Variants in CEP128 observed in about 807,000 individuals in gnomAD.
CEP128 encodes centrosomal protein 128kDa.
In CEP128, 132 loss-of-function variants were observed where a neutral mutation model predicts 156.7. The ratio of observed to expected loss-of-function variants is 0.84; its 90% confidence interval spans 0.73 to 0.97. The LOEUF is 0.97. Among genes scored for constraint, CEP128 ranks in the 50% least tolerant of loss-of-function variants. The pLI is 0.00. For synonymous variants in CEP128, 469 were observed against 448.9 expected (o/e 1.04, Z -0.57); for missense variants, 1,252 against 1,281.9 (o/e 0.98, Z 0.36).
chr14:80,932,536 G>A (rs528417397), intron 2 of CEP128, among the ~76,000 whole-genome samples: 1 of 152,232 alleles, frequency 6.6e-6, no homozygotes, highest in East Asian at 1.9e-4. Flanking sequence ...TTATCTTTGT[G>A]AAGCAGGTTT....
At chr14:80,751,628 T>C (rs1899396245) in intron 18 of CEP128, among the ~76,000 whole-genome samples, 1 of 150,398 alleles carries the variant, frequency 6.6e-6, no homozygotes, top group Non-Finnish European at 1.5e-5. Flanking sequence ...TTTGTAAATA[T>C]GTCTTTTTTT....
At chr14:80,605,854 A>G (rs1892755295) in intron 19 of CEP128, among the ~76,000 whole-genome samples, 1 of 152,060 alleles carries the variant, frequency 6.6e-6, no homozygotes, top group Non-Finnish European at 1.5e-5. Flanking sequence ...ATGAGAAGTA[A>G]AAATGTGTGT....
chr14:80,759,897 CAT>C (rs1899869509), intron 17 of CEP128, among the ~76,000 whole-genome samples: 1 of 114,388 alleles, frequency 8.7e-6, no homozygotes, highest in African/African-American at 2.9e-5. Flanking sequence ...TATGTGAGTG[CAT>C]ATATATAGGT....
Position 80,656,291 on chromosome 14 carries a change from TTATATATATATA to T in CEP128, c.2807-75880_2807-75869del, listed in dbSNP as rs1159139132. Among the ~76,000 whole-genome samples the T allele has an allele frequency of 1.1e-3, 27 of 25,704 alleles. No individual in the cohort carries two copies. The East Asian group carries it at 0.015, about 15-fold the overall frequency. The allele number at this position is 25,704 out of a possible 152,430, so 16.9% of individuals were successfully genotyped here. ...CCTAAGTTTTTATTTATATATATATTTATATATATATATATATATATATATATATATATATAT... is the reference window on the plus strand; with the variant it reads ...CCTAAGTTTTTATTTATATATATATTTATATATATATATATATATATATAT... On this transcript the variant is annotated intron_variant, in intron 19 of 24. Coordinates refer to ENST00000555265, the MANE Select transcript of CEP128 (RefSeq NM_152446.5).
chr14:80,692,223 G>A (rs1566860112), intron 19 of CEP128, among the ~76,000 whole-genome samples: 1 of 152,132 alleles, frequency 6.6e-6, no homozygotes, highest in African/African-American at 2.4e-5. Context: ...AAGAGTTGGT[G>A]GAGTGAGCAA....
chr14:80,697,933 A>G lies in CEP128; in HGVS notation c.2806+45142T>C, dbSNP rs538103228. On this transcript the variant is annotated intron_variant, in intron 19 of 24. Transcript: ENST00000555265. ...TATAGATACATATATAAACCAGCTT[A>G]TAAGAAATCTGGGCCCTAAAAATTC... 7.9e-5 allele frequency among the ~76,000 whole-genome samples: 12 copies of G among 152,058 alleles called. No homozygotes were observed. The South Asian group carries it at 2.3e-3, about 29-fold the overall frequency.
chr14:80,526,199 A>G (rs149784101), intron 23 of CEP128, among the ~76,000 whole-genome samples: 6 of 152,282 alleles, frequency 3.9e-5, no homozygotes, highest in African/African-American at 9.6e-5. Context: ...ACTGCAACGC[A>G]TAAGACTACC....
intron 19 of CEP128, among the ~76,000 whole-genome samples, chr14:80,641,797 A>C (rs1360040036): frequency 6.6e-6 from 1 of 152,198 alleles, no homozygotes; most frequent in Non-Finnish European, 1.5e-5. Context: ...CAATTCAATT[A>C]AATTAAGCAA....
At chr14:80,615,845 T>A (rs1003684700) in intron 19 of CEP128, among the ~76,000 whole-genome samples, 3 of 146,594 alleles carry the variant, frequency 2.0e-5, no homozygotes, top group Admixed American at 6.8e-5. Flanking sequence ...TAAAACTCCA[T>A]CTCAAATAAA....
At chr14:80,940,594 G>A (rs956619975) in intron 1 of CEP128, among the ~76,000 whole-genome samples, 4 of 151,036 alleles carry the variant, frequency 2.6e-5, no homozygotes, top group Non-Finnish European at 5.9e-5. Flanking sequence ...CAGGAGAATC[G>A]CTTGAACCCA....
chr14:80,524,983 C>T (rs1341993181), intron 23 of CEP128, among the ~76,000 whole-genome samples: 1 of 152,098 alleles, frequency 6.6e-6, no homozygotes, highest in African/African-American at 2.4e-5. Context: ...TTGCTGAACA[C>T]GTTAAACATT....
chr14:80,678,047 A>ATATATATATATATATATATATATAT (rs1555390193), intron 19 of CEP128, among the ~76,000 whole-genome samples: 3 of 68,528 alleles, frequency 4.4e-5, no homozygotes, highest in South Asian at 1.0e-3. Flanking sequence ...CTATAAAAAA[A>ATATATATATATATATATATATATAT]AAATATATAT....
At chr14:80,832,448 T>C (rs1566658468) in intron 12 of CEP128, among the ~76,000 whole-genome samples, 1 of 152,146 alleles carries the variant, frequency 6.6e-6, no homozygotes, top group Non-Finnish European at 1.5e-5. Context: ...TTATACATCA[T>C]TCATAAAATA....
At chr14:80,829,921 C>T (rs1361916710) in intron 13 of CEP128, among the ~76,000 whole-genome samples, 2 of 151,892 alleles carry the variant, frequency 1.3e-5, no homozygotes, top group Admixed American at 1.3e-4. Context: ...CAATGTATAC[C>T]ATGATGGCAA....
intron 8 of CEP128, among the ~76,000 whole-genome samples, chr14:80,886,625 G>T (rs1406732373): frequency 6.6e-6 from 1 of 152,114 alleles, no homozygotes; most frequent in East Asian, 1.9e-4. Context: ...AGCTCCTGAA[G>T]GAAGCACTAA....
At chr14:80,637,353 C>G (rs1894228746) in intron 19 of CEP128, among the ~76,000 whole-genome samples, 1 of 151,902 alleles carries the variant, frequency 6.6e-6, no homozygotes, top group Admixed American at 6.6e-5. Flanking sequence ...TCAGGAAAAT[C>G]CTTAAAAGTA....
intron 8 of CEP128, among the ~76,000 whole-genome samples, chr14:80,865,193 C>T (rs1201933551): frequency 6.6e-6 from 1 of 152,088 alleles, no homozygotes; most frequent in Non-Finnish European, 1.5e-5. Context: ...ATTTTTGTAT[C>T]TGCCTTACTT....
chr14:80,882,245 C>A (rs905156205), intron 8 of CEP128, among the ~76,000 whole-genome samples: 8 of 151,722 alleles, frequency 5.3e-5, no homozygotes, highest in Admixed American at 3.3e-4. Context: ...TCTCATAATC[C>A]AATTTAAAAT....
chr14:80,642,326 T>C (rs1328037760), intron 19 of CEP128, among the ~76,000 whole-genome samples: 1 of 152,072 alleles, frequency 6.6e-6, no homozygotes, highest in Non-Finnish European at 1.5e-5. Context: ...TAGTAGAACA[T>C]GGGATGTGTA....
Sources: gnomAD v4.1 joint callset for allele counts (sites outside exome capture counted in the v4.1 genomes callset) on GRCh38, gnomAD v4.1.1 for gene constraint, MANE v1.5 for transcripts, NCBI Gene and HGNC (gene_info 2026-07-23, HGNC 2026-07-21) for gene names.